The following MAPK6 variants were observed in gnomAD, a reference collection of about 807,000 sequenced individuals.
The protein encoded by MAPK6 is ERK-3.
A neutral mutation model predicts 59.3 loss-of-function variants in MAPK6; 19 were observed. The observed-to-expected ratio is 0.32, with a 90% CI of 0.22 to 0.47. MAPK6 has a LOEUF of 0.47. Among genes scored for constraint, MAPK6 ranks in the 20% least tolerant of loss-of-function variants. The probability of loss-of-function intolerance (pLI) is 1.00; values close to 1 mark genes in which losing one functional copy is unlikely to be tolerated. For missense variants in MAPK6, 724 were observed against 847.9 expected, an observed-to-expected ratio of 0.85 and a Z score of 1.81; for synonymous variants, 316 against 290.3, an observed-to-expected ratio of 1.09 and a Z score of -0.90.
chr15:52,010,799 G>A (rs907685735), intron 3 of MAPK6, among the ~76,000 whole-genome samples: 5 of 152,184 alleles, frequency 3.3e-5, no homozygotes, highest in Admixed American at 1.3e-4. Flanking sequence ...GATTATGGGC[G>A]TGAGCCACCG....
chr15:52,065,126 T>C lies in MAPK6; in HGVS notation c.*126T>C. On this transcript the variant is annotated 3_prime_UTR_variant, in exon 6 of 6. Coordinates refer to ENST00000261845, the MANE Select transcript of MAPK6 (RefSeq NM_002748.4). ...CATTTAGTAAGGATTTTATGAGTTC[T>C]TGTTTTTTAAAATCCAGACTTTCTT... 1.1e-6 allele frequency: 1 copy of C among 883,808 alleles called. No homozygotes were observed. The highest frequency in any genetic ancestry group is 3.4e-5 in the Admixed American group (1 of 29,234). The allele number at this position is 883,808 out of a possible 1,614,324, so 54.7% of individuals were successfully genotyped here.
chr15:51,985,696 C>T (rs1262020753), intron 2 of MAPK6, among the ~76,000 whole-genome samples: 1 of 151,920 alleles, frequency 6.6e-6, no homozygotes, highest in African/African-American at 2.4e-5. Context: ...CAGTGGCTCA[C>T]GCCTGTAATC....
rs1277784402 is a variant in MAPK6 at position 52,058,771 on chromosome 15, A to G, written c.839A>G (p.Gln280Arg). 8.1e-6 allele frequency: 13 copies of G among 1,611,810 alleles called. No homozygotes were observed. Among genetic ancestry groups the G allele is most frequent in the Non-Finnish European group, 1.0e-5 (12 of 1,178,796 alleles). ...ACTGAGCCACACAAACCTTTAACTC[A>G]GCTGCTTCCAGGAATTAGTCGAGAA... The part of the protein sequence containing the change: ...DMTEPHKPLT[Q>R]LLPGISREAL... The change falls in exon 4 of 6, where the codon CAG becomes CGG. Residue 280 changes from glutamine (Q) to arginine (R), a missense_variant. By Grantham distance (43) the Gln-to-Arg change is conservative (BLOSUM62 1). Around this residue, in one of 4 missense-constraint regions of MAPK6, gnomAD observed 502 missense variants for 507.6 expected, o/e 0.99. Coordinates refer to ENST00000261845, the MANE Select transcript of MAPK6 (RefSeq NM_002748.4).
chr15:52,058,585 T>C (rs1197967760), intron 3 of MAPK6, 48 bp from the exon 4 acceptor site: 12 of 1,459,606 alleles, frequency 8.2e-6, no homozygotes, highest in Non-Finnish European at 9.2e-6. Flanking sequence ...TATTGTGAAA[T>C]AAGTAAACAT....
chr15:51,982,274 G>A (rs1277622585), intron 1 of MAPK6, among the ~76,000 whole-genome samples: 1 of 152,180 alleles, frequency 6.6e-6, no homozygotes, highest in African/African-American at 2.4e-5. Flanking sequence ...ATACTATCTC[G>A]TCGGCGGGTG....
chr15:52,048,316 A>T (rs1011463241), intron 2 of MAPK6, among the ~76,000 whole-genome samples: 2 of 151,956 alleles, frequency 1.3e-5, no homozygotes, highest in Admixed American at 6.6e-5. Context: ...CGCCCAGCCC[A>T]CATTAAGGTA....
intron 1 of MAPK6, among the ~76,000 whole-genome samples, chr15:52,028,576 C>A (rs2030904325): frequency 6.6e-6 from 1 of 152,134 alleles, no homozygotes; most frequent in African/African-American, 2.4e-5. Flanking sequence ...AATTTAGGTC[C>A]TCAGTGATGC....
At chr15:52,061,870 A>C (rs1288811561) in intron 5 of MAPK6, among the ~76,000 whole-genome samples, 1 of 152,166 alleles carries the variant, frequency 6.6e-6, no homozygotes, top group Non-Finnish European at 1.5e-5. Flanking sequence ...GATATATGGG[A>C]AAAGTTAAAT....
intron 1 of MAPK6, among the ~76,000 whole-genome samples, chr15:52,029,229 G>A (rs1268546141): frequency 1.3e-5 from 2 of 151,928 alleles, no homozygotes; most frequent in Non-Finnish European, 2.9e-5. Flanking sequence ...GTAGAGATGG[G>A]GTTTCACCAT....
chr15:52,041,354 G>A (rs1448467038), intron 1 of MAPK6, among the ~76,000 whole-genome samples: 2 of 151,968 alleles, frequency 1.3e-5, no homozygotes, highest in African/African-American at 2.4e-5. Flanking sequence ...GCGCCACCAC[G>A]CCCAGCTAAT....
intron 5 of MAPK6, among the ~76,000 whole-genome samples, chr15:52,062,927 C>G (rs928071521): frequency 2.6e-5 from 4 of 152,014 alleles, no homozygotes; most frequent in Non-Finnish European, 2.9e-5. Flanking sequence ...TTGGGAACCA[C>G]TAATGCCAAT....
chr15:52,024,878 CTT>C (rs35983896), intron 1 of MAPK6, among the ~76,000 whole-genome samples: 2 of 84,162 alleles, frequency 2.4e-5, no homozygotes, highest in Non-Finnish European at 4.3e-5. Context: ...CATACACTGC[CTT>C]TTTTTTTTTT....
chr15:52,041,998 A>G (rs974199146), intron 1 of MAPK6, among the ~76,000 whole-genome samples: 3 of 152,246 alleles, frequency 2.0e-5, no homozygotes, highest in Admixed American at 6.5e-5. Flanking sequence ...CCCATTGCCA[A>G]GAGATTGACT....
At chr15:51,983,530 G>A (rs1013405641) in intron 2 of MAPK6, among the ~76,000 whole-genome samples, 4 of 148,546 alleles carry the variant, frequency 2.7e-5, no homozygotes, top group African/African-American at 7.5e-5. Context: ...GGACAACAGG[G>A]CTGATGTGGT....
chr15:52,061,444 A>G lies in MAPK6; in HGVS notation c.1011A>G (p.Glu337=). The stretch of plus-strand genomic sequence containing the variant: ...GCCATCCTTTTCATATTGAAGATGA[A>G]GTTGATGATATTTTGCTTATGGATG... ...ISSHPFHIED[E]VDDILLMDET... The change falls in exon 5 of 6, where the codon GAA becomes GAG. Residue 337 remains glutamate (E), a synonymous_variant. Transcript: ENST00000261845. The G allele has an allele frequency of 2.5e-6, 4 of 1,613,898 alleles. No homozygotes were observed. Among genetic ancestry groups the G allele is most frequent in the Non-Finnish European group, 2.5e-6 (3 of 1,179,798 alleles).
upstream of MAPK6, among the ~76,000 whole-genome samples, chr15:52,016,070 G>GCGCGCGCACGCA: frequency 5.4e-5 from 3 of 55,392 alleles, no homozygotes; most frequent in Admixed American, 3.9e-4. Context: ...GCGCGCGCGC[G>GCGCGCGCACGCA]CACACACACA....
At position 52,046,750 on chromosome 15, in the gene MAPK6, C is replaced by T. The variant is rs1234011548; in HGVS notation, c.290C>T (p.Ser97Phe). The T allele has an allele frequency of 6.2e-7, 1 of 1,614,176 alleles. No homozygotes were observed. Among genetic ancestry groups the T allele is most frequent in the South Asian group, 1.1e-5 (1 of 91,076 alleles). Residue 97 changes from serine (S) to phenylalanine (F), a missense_variant, in exon 2 of 6, where the codon TCT (serine) becomes TTT (phenylalanine). Physicochemically the swap from Ser to Phe is radical, Grantham distance 155. Coordinates refer to ENST00000261845, the MANE Select transcript of MAPK6 (RefSeq NM_002748.4). Reference protein sequence around the residue: ...SGSQLTDDVGSLTELNSVYIV... With the variant: ...SGSQLTDDVGFLTELNSVYIV... ...AGCCAATTAACAGACGATGTGGGCT[C>T]TCTTACGGAACTGAACAGTGTTTAC...
chr15:52,015,741 C>T (rs543428292), upstream of MAPK6, among the ~76,000 whole-genome samples: 886 of 149,714 alleles, frequency 5.9e-3, 6 homozygotes, highest in South Asian at 0.03. Context: ...CGTGAGTCCG[C>T]GCCCAGCCCA....
At chr15:52,027,299 G>A (rs899537811) in intron 1 of MAPK6, among the ~76,000 whole-genome samples, 1 of 117,858 alleles carries the variant, frequency 8.5e-6, no homozygotes, top group South Asian at 3.0e-4. Flanking sequence ...GCAGTGAGCC[G>A]AGATCGTGCC....
Sources: gnomAD v4.1 joint callset for allele counts (sites outside exome capture counted in the v4.1 genomes callset) on GRCh38, gnomAD v4.1.1 for gene constraint, gnomAD v4.1.1 regional missense constraint, MANE v1.5 for transcripts, NCBI Gene and HGNC (gene_info 2026-07-23, HGNC 2026-07-21) for gene names.